TTC28: variants seen among roughly 807,000 people sequenced by gnomAD.
TTC28 encodes tetratricopeptide repeat protein 28.
A neutral mutation model predicts 198.0 loss-of-function variants in TTC28; 61 were observed. That is an observed-to-expected ratio of 0.31 (90% CI 0.25 to 0.38). The LOEUF (loss-of-function observed/expected upper bound fraction) is 0.38, where lower values mean the gene tolerates loss of function less well. TTC28 is among the 10% of genes least tolerant of loss of function. TTC28 has a pLI of 1.00. For synonymous variants in TTC28, 1,171 were observed against 1,297.8 expected (o/e 0.90, Z 2.10); for missense variants, 2,678 against 3,164.0 (o/e 0.85, Z 3.69).
chr22:28,181,587 G>C (rs113240984), intron 5 of TTC28, among the ~76,000 whole-genome samples: 18 of 152,232 alleles, frequency 1.2e-4, no homozygotes, highest in African/African-American at 4.3e-4. Flanking sequence ...AGGCATCTGT[G>C]CTATGTGTTA....
intron 5 of TTC28, among the ~76,000 whole-genome samples, chr22:28,229,861 T>C (rs1031456547): frequency 2.4e-4 from 36 of 152,188 alleles, no homozygotes; most frequent in African/African-American, 8.7e-4. Flanking sequence ...TGAAAGGATT[T>C]TGAGAATTAC....
Position 28,182,814 on chromosome 22 carries a change from C to T in TTC28, c.934-19215G>A, listed in dbSNP as rs780783187. On this transcript the variant is annotated intron_variant, in intron 5 of 22. Transcript: ENST00000397906. ...CCCAGATTTCACAACAAACAAGAGA[C>T]AGAGAATTTTACAGCTGGAAGAGGC... Among the ~76,000 whole-genome samples, 45 of 152,296 alleles carry T rather than the reference C, an allele frequency of 3.0e-4. 1 individual carries two copies. The highest frequency in any genetic ancestry group is 6.2e-4 in the South Asian group (3 of 4,824).
At chr22:28,202,555 A>G (rs1410199708) in intron 5 of TTC28, among the ~76,000 whole-genome samples, 2 of 151,936 alleles carry the variant, frequency 1.3e-5, no homozygotes, top group Admixed American at 6.6e-5. Flanking sequence ...AAAAAAAGAG[A>G]AACAAGAATA....
intron 2 of TTC28, among the ~76,000 whole-genome samples, chr22:28,494,975 A>AT (rs2048433009): frequency 6.6e-6 from 1 of 152,102 alleles, no homozygotes; most frequent in Non-Finnish European, 1.5e-5. Flanking sequence ...ATAAAAAGGA[A>AT]TAAAAAAAAC....
Position 27,985,355 on chromosome 22 carries a change from A to G in TTC28, c.5709T>C (p.Gly1903=). The change falls in exon 22 of 23, where the codon GGT becomes GGC. Residue 1903 remains glycine, a splice_region_variant and synonymous_variant. Coordinates refer to ENST00000397906, the MANE Select transcript of TTC28 (RefSeq NM_001145418.2). ...PGCHEFLAAL[G]FDLCEVGQEE... ...CCTGACCAACTTCACAGAGATCAAA[A>G]CCTAGAGGAACAAAGAATATAAGCA... The G allele has an allele frequency of 1.3e-6, 2 of 1,549,588 alleles. No individual in the cohort carries two copies. Among genetic ancestry groups the G allele is most frequent in the Non-Finnish European group, 1.7e-6 (2 of 1,145,360 alleles).
At chr22:28,355,963 G>A (rs1052368675) in intron 2 of TTC28, among the ~76,000 whole-genome samples, 4 of 152,180 alleles carry the variant, frequency 2.6e-5, no homozygotes, top group Non-Finnish European at 5.9e-5. Context: ...CTCTATTCGG[G>A]TATAAAGAAT....
intron 5 of TTC28, among the ~76,000 whole-genome samples, chr22:28,247,171 G>A (rs1016417434): frequency 6.6e-6 from 1 of 152,124 alleles, no homozygotes; most frequent in African/African-American, 2.4e-5. Context: ...AGGACTGCCA[G>A]GGACAACACT....
intron 12 of TTC28, among the ~76,000 whole-genome samples, chr22:28,093,063 G>A (rs1941860848): frequency 6.6e-6 from 1 of 152,206 alleles, no homozygotes; most frequent in South Asian, 2.1e-4. Context: ...CTGTCAGCAA[G>A]TCCTATTTCA....
At chr22:28,607,992 C>T (rs1219598729) in intron 2 of TTC28, among the ~76,000 whole-genome samples, 3 of 152,136 alleles carry the variant, frequency 2.0e-5, no homozygotes, top group Admixed American at 2.0e-4. Flanking sequence ...CAGAGTAAAG[C>T]CTTCCAAAAA....
At chr22:28,168,519 A>G (rs541056523) in intron 5 of TTC28, among the ~76,000 whole-genome samples, 25 of 151,242 alleles carry the variant, frequency 1.7e-4, no homozygotes, top group Non-Finnish European at 3.0e-4. Flanking sequence ...ATAATGCCGC[A>G]TATCTACAAC....
chr22:28,488,148 C>T lies in TTC28; in HGVS notation c.381+141404G>A, dbSNP rs543380354. 2.0e-5 allele frequency among the ~76,000 whole-genome samples: 3 copies of T among 152,230 alleles called. No homozygotes were observed. The South Asian group carries it at 6.2e-4, about 32-fold the overall frequency. ...GTTATGAACAATTAGTCCACCACTA[C>T]CAAGAAGTAGTCAAGATGATACCAA... On this transcript the variant is annotated intron_variant, in intron 2 of 22. Transcript: ENST00000397906.
intron 6 of TTC28, among the ~76,000 whole-genome samples, chr22:28,124,023 G>T (rs1942855779): frequency 1.3e-5 from 2 of 152,102 alleles, no homozygotes. Context: ...TCTACTTCAT[G>T]TCTTTTTGTA....
chr22:28,084,272 G>C (rs1395384305), intron 12 of TTC28, among the ~76,000 whole-genome samples: 1 of 152,196 alleles, frequency 6.6e-6, no homozygotes, highest in Non-Finnish European at 1.5e-5. Flanking sequence ...AGTAGCGGCG[G>C]ACTGATACCT....
intron 5 of TTC28, among the ~76,000 whole-genome samples, chr22:28,247,891 T>C (rs948858548): frequency 2.0e-5 from 3 of 152,184 alleles, no homozygotes; most frequent in African/African-American, 7.2e-5. Context: ...CCATGAGTCA[T>C]TGAAGGGTTT....
At position 27,978,100 on chromosome 22, in the gene TTC28, T is replaced by C. The variant is rs1936907963; in HGVS notation, c.*4121A>G. ...TGCCTTAGCAATCTCAATAAAAATA[T>C]GAAGTTCTTTTTACATGGTAAATTT... On this transcript the variant is annotated 3_prime_UTR_variant, in exon 23 of 23. Transcript: ENST00000397906. The C allele has an allele frequency of 2.0e-5, 3 of 152,198 alleles. No individual in the cohort carries two copies. The South Asian group carries it at 6.2e-4, about 31-fold the overall frequency. The allele number at this position is 152,198 out of a possible 1,614,324, so 9.4% of individuals were successfully genotyped here.
At chr22:28,108,574 G>A (rs1942395001) in intron 6 of TTC28, among the ~76,000 whole-genome samples, 171 bp from the exon 7 acceptor site, 1 of 152,032 alleles carries the variant, frequency 6.6e-6, no homozygotes, top group African/African-American at 2.4e-5. Context: ...AGAGAGGATA[G>A]CTTAAGTTTC....
chr22:28,378,345 CAA>C (rs134525), intron 2 of TTC28, among the ~76,000 whole-genome samples: 41 of 75,882 alleles, frequency 5.4e-4, no homozygotes, highest in East Asian at 2.8e-3. Flanking sequence ...GACTCTGTCT[CAA>C]AAAAAAAAAA....
intron 5 of TTC28, among the ~76,000 whole-genome samples, chr22:28,274,976 T>TAAAAAAAAA (rs34582010): frequency 1.3e-5 from 1 of 77,876 alleles, no homozygotes; most frequent in Non-Finnish European, 2.5e-5. Flanking sequence ...GAGACTGTCT[T>TAAAAAAAAA]AAAAAAAAAA....
At chr22:27,992,195 C>T (rs1937438683) in intron 19 of TTC28, among the ~76,000 whole-genome samples, 2 of 152,186 alleles carry the variant, frequency 1.3e-5, no homozygotes, top group African/African-American at 4.8e-5. Context: ...ATGCTCAGCA[C>T]ATATGAGAAC....
Sources: gnomAD v4.1 joint callset for allele counts (sites outside exome capture counted in the v4.1 genomes callset) on GRCh38, gnomAD v4.1.1 for gene constraint, MANE v1.5 for transcripts, NCBI Gene and HGNC (gene_info 2026-07-23, HGNC 2026-07-21) for gene names.